FGF14: variants seen among roughly 807,000 people sequenced by gnomAD.
The protein encoded by FGF14 is fibroblast growth factor 14.
Under a neutral mutation model 25.5 loss-of-function variants are expected in FGF14, and 5 were observed. The observed-to-expected ratio is 0.20, with a 90% CI of 0.10 to 0.41. The LOEUF (loss-of-function observed/expected upper bound fraction) is 0.41. FGF14 is among the 10% of genes least tolerant of loss of function. The pLI is 1.00. For synonymous variants in FGF14, 138 were observed against 118.3 expected, an observed-to-expected ratio of 1.17 and a Z score of -1.08; for missense variants, 222 against 320.1, an observed-to-expected ratio of 0.69 and a Z score of 2.34.
upstream of FGF14, among the ~76,000 whole-genome samples, chr13:101,920,442 T>A (rs2033915604): frequency 6.6e-6 from 1 of 152,162 alleles, no homozygotes; most frequent in Non-Finnish European, 1.5e-5. Flanking sequence ...CTCAATTTCT[T>A]CATCTCTCAA....
chr13:102,307,510 A>C (rs1394401477), intron 1 of FGF14, among the ~76,000 whole-genome samples: 2 of 152,182 alleles, frequency 1.3e-5, no homozygotes, highest in Non-Finnish European at 2.9e-5. Context: ...ATTCTGTACA[A>C]TATCCAGAAA....
intron 3 of FGF14, among the ~76,000 whole-genome samples, chr13:101,854,133 T>C (rs963879203): frequency 2.6e-5 from 4 of 152,136 alleles, no homozygotes; most frequent in South Asian, 2.1e-4. Flanking sequence ...TTTGCAGATA[T>C]CTTACAGGTA....
intron 3 of FGF14, among the ~76,000 whole-genome samples, chr13:101,817,888 C>A (rs1455862012): frequency 6.6e-6 from 1 of 152,192 alleles, no homozygotes; most frequent in Non-Finnish European, 1.5e-5. Context: ...ATGATGAAAA[C>A]AAGAGAAAAA....
intron 3 of FGF14, among the ~76,000 whole-genome samples, chr13:101,807,872 A>C (rs73557414): frequency 0.014 from 2,124 of 152,222 alleles, 69 homozygotes; most frequent in African/African-American, 0.048. Context: ...ATGTCATTGA[A>C]GTAAGAAGAA....
At chr13:102,394,600 G>C (rs2058525948) in intron 1 of FGF14, 1 of 152,314 alleles carries the variant, frequency 6.6e-6, no homozygotes, top group African/African-American at 2.4e-5. Flanking sequence ...CCGCGCTACG[G>C]CGGCTCCAAC....
At chr13:101,751,655 G>T (rs559731308) in intron 3 of FGF14, among the ~76,000 whole-genome samples, 1 of 152,238 alleles carries the variant, frequency 6.6e-6, no homozygotes, top group East Asian at 1.9e-4. Flanking sequence ...ACTGTTTAAG[G>T]AAAGTATGGT....
chr13:101,924,104 T>G (rs2034196179), intron 1 of FGF14, among the ~76,000 whole-genome samples: 1 of 152,080 alleles, frequency 6.6e-6, no homozygotes, highest in Non-Finnish European at 1.5e-5. Flanking sequence ...TCAGTGAATT[T>G]TTAACACTAC....
intron 1 of FGF14, among the ~76,000 whole-genome samples, chr13:102,356,928 CATATATATAT>C (rs3066054): frequency 7.0e-6 from 1 of 142,014 alleles, no homozygotes; most frequent in South Asian, 2.2e-4. Context: ...CTATAAAATG[CATATATATAT>C]ATATATATAT....
intron 1 of FGF14, among the ~76,000 whole-genome samples, chr13:102,032,247 T>C (rs117008818): frequency 0.011 from 1,687 of 152,226 alleles, 19 homozygotes; most frequent in Admixed American, 0.017. Flanking sequence ...ACCCACTAAA[T>C]AGGGTTTCTA....
intron 3 of FGF14, among the ~76,000 whole-genome samples, chr13:101,806,889 T>C (rs920724638): frequency 6.6e-6 from 1 of 152,188 alleles, no homozygotes; most frequent in African/African-American, 2.4e-5. Context: ...CTCACAGTGA[T>C]AGAGCTTCCG....
intron 1 of FGF14, among the ~76,000 whole-genome samples, chr13:102,275,076 C>T (rs8001983): frequency 0.78 from 117,805 of 151,966 alleles, 46,530 homozygotes; most frequent in African/African-American, 0.93. Context: ...AATCTTAGCA[C>T]ATATTTGAAG....
At chr13:101,861,764 G>A (rs1566333172) in intron 3 of FGF14, among the ~76,000 whole-genome samples, 2 of 151,912 alleles carry the variant, frequency 1.3e-5, no homozygotes, top group African/African-American at 2.4e-5. Flanking sequence ...CCAAGAAAAC[G>A]CAATGACAAA....
intron 1 of FGF14, among the ~76,000 whole-genome samples, chr13:102,256,341 A>T (rs560864976): frequency 2.6e-4 from 40 of 151,568 alleles, no homozygotes; most frequent in Admixed American, 1.6e-3. Context: ...AAAAAAAATT[A>T]AAAAAAAATT....
At chr13:101,805,772 A>G (rs1211067112) in intron 3 of FGF14, among the ~76,000 whole-genome samples, 4 of 152,144 alleles carry the variant, frequency 2.6e-5, no homozygotes, top group Non-Finnish European at 5.9e-5. Context: ...ATGTTATTCT[A>G]TGAAGCTGTT....
At position 101,938,704 on chromosome 13, in the gene FGF14, T is replaced by C. The variant is rs1394786354; in HGVS notation, c.209-63408A>G. On this transcript the variant is annotated intron_variant, in intron 1 of 4. Transcript: ENST00000376131. ...ATAATTGTTATCCTCAGCCTAGATATCGGGTGTATGTCTCTCCCTCACCAC... is the reference window on the plus strand; with the variant it reads ...ATAATTGTTATCCTCAGCCTAGATACCGGGTGTATGTCTCTCCCTCACCAC... Among the ~76,000 whole-genome samples the C allele has an allele frequency of 3.3e-5, 5 of 152,324 alleles. No homozygotes were observed. In the East Asian group the frequency reaches 9.6e-4, roughly 29 times the overall value.
At chr13:101,956,903 T>C (rs994903054) in intron 1 of FGF14, among the ~76,000 whole-genome samples, 11 of 152,146 alleles carry the variant, frequency 7.2e-5, no homozygotes, top group African/African-American at 2.7e-4. Context: ...CTCTCTCTCT[T>C]TCTTATGTAT....
chr13:102,320,196 A>G (rs1339048672), intron 1 of FGF14, among the ~76,000 whole-genome samples: 1 of 151,790 alleles, frequency 6.6e-6, no homozygotes, highest in Non-Finnish European at 1.5e-5. Flanking sequence ...AATGGAAAGA[A>G]TGAGTTCTAT....
At chr13:102,371,586 T>A (rs1366699845) in intron 1 of FGF14, among the ~76,000 whole-genome samples, 1 of 152,162 alleles carries the variant, frequency 6.6e-6, no homozygotes, top group Non-Finnish European at 1.5e-5. Context: ...CAATATTGTA[T>A]CTGTTTCCAG....
intron 1 of FGF14, among the ~76,000 whole-genome samples, chr13:102,326,657 GGGGAAGGGAGGGGAA>G (rs1252111906): frequency 2.3e-5 from 2 of 86,828 alleles, no homozygotes; most frequent in East Asian, 3.3e-4. Context: ...GGAGAAGGGA[GGGGAAGGGAGGGGAA>G]GGGAAGGGAA....
Sources: allele counts gnomAD v4.1 joint callset (sites outside exome capture counted in the v4.1 genomes callset), GRCh38; gene constraint gnomAD v4.1.1; transcripts MANE v1.5; gene names NCBI Gene and HGNC (gene_info 2026-07-23, HGNC 2026-07-21).